Variants in ITGA9 observed in about 807,000 individuals in gnomAD.
ITGA9 encodes the protein integrin subunit alpha 9, also known as integrin alpha-9.
Under a neutral mutation model 127.8 loss-of-function variants are expected in ITGA9, and 56 were observed. That is an observed-to-expected ratio of 0.44 (90% confidence interval 0.35 to 0.55). The LOEUF is 0.55. ITGA9 is among the 20% of genes least tolerant of loss of function. ITGA9 has a pLI of 0.00. For synonymous variants in ITGA9, 508 were observed against 514.5 expected, an observed-to-expected ratio of 0.99 and a Z score of 0.17; for missense variants, 1,196 against 1,347.1, an observed-to-expected ratio of 0.89 and a Z score of 1.76.
At chr3:37,796,698 C>A (rs1213863855) in intron 26 of ITGA9, among the ~76,000 whole-genome samples, 1 of 152,164 alleles carries the variant, frequency 6.6e-6, no homozygotes, top group Non-Finnish European at 1.5e-5. Context: ...TCAAATCCCA[C>A]ATCTCTTTTG....
At chr3:37,628,131 C>T (rs936287674) in intron 15 of ITGA9, among the ~76,000 whole-genome samples, 8 of 152,168 alleles carry the variant, frequency 5.3e-5, no homozygotes, top group African/African-American at 1.7e-4. Context: ...TCAGCCTGCC[C>T]GCCCAGCTTC....
At position 37,597,491 on chromosome 3, in the gene ITGA9, C is replaced by T. The variant is rs1256353705; in HGVS notation, c.1690-31696C>T. On this transcript the variant is annotated intron_variant, in intron 15 of 27. Transcript: ENST00000264741. The surrounding 1 kb of genome is among the most constrained non-coding windows in gnomAD (Gnocchi z 4.6). The stretch of plus-strand genomic sequence containing the variant: ...GGCAGGCTGCAGAAAAGGCAGGATA[C>T]GAGGTAGAACTCCCACAGTTTCCTC... Among the ~76,000 whole-genome samples, 1 of 152,024 alleles carries T rather than the reference C, an allele frequency of 6.6e-6. No homozygotes were observed. Among genetic ancestry groups the T allele is most frequent in the African/African-American group, 2.4e-5 (1 of 41,412 alleles).
intron 17 of ITGA9, among the ~76,000 whole-genome samples, chr3:37,656,292 CA>C (rs770218963): frequency 2.6e-5 from 4 of 152,146 alleles, no homozygotes; most frequent in Admixed American, 6.5e-5. Flanking sequence ...GCAGTATGGC[CA>C]TTTTCACGAT....
chr3:37,551,171 T>A (rs866455628), intron 15 of ITGA9, among the ~76,000 whole-genome samples: 1 of 152,200 alleles, frequency 6.6e-6, no homozygotes, highest in African/African-American at 2.4e-5. Context: ...ACTGGATTTA[T>A]TGGATAGTGT....
At chr3:37,493,675 ATTCAC>A (rs1306464998) in intron 4 of ITGA9, among the ~76,000 whole-genome samples, 3 of 152,210 alleles carry the variant, frequency 2.0e-5, no homozygotes, top group Non-Finnish European at 4.4e-5. Context: ...ACCTTAGACA[ATTCAC>A]TTAACCTCTC....
At chr3:37,553,887 C>A (rs967528322) in intron 15 of ITGA9, among the ~76,000 whole-genome samples, 81 of 152,170 alleles carry the variant, frequency 5.3e-4, no homozygotes, top group African/African-American at 1.9e-3. Flanking sequence ...GGAATTGAGA[C>A]CCCAGGACAG....
chr3:37,474,380 A>C (rs988672188), intron 3 of ITGA9, among the ~76,000 whole-genome samples: 1 of 152,248 alleles, frequency 6.6e-6, no homozygotes, highest in African/African-American at 2.4e-5. Flanking sequence ...AAGCAGAGAG[A>C]GAGAATATTT....
At chr3:37,690,236 A>C (rs962303415) in intron 18 of ITGA9, among the ~76,000 whole-genome samples, 5 of 152,180 alleles carry the variant, frequency 3.3e-5, no homozygotes, top group Non-Finnish European at 5.9e-5. Context: ...GAGAGGGTAG[A>C]AGAGAGCAAA....
At chr3:37,744,749 T>C (rs1340938871) in intron 22 of ITGA9, among the ~76,000 whole-genome samples, 1 of 152,262 alleles carries the variant, frequency 6.6e-6, no homozygotes, top group Non-Finnish European at 1.5e-5. Context: ...CATACTTCTG[T>C]AGTTCAAAGG....
chr3:37,763,465 T>C (rs990783259), intron 23 of ITGA9, among the ~76,000 whole-genome samples: 1 of 152,244 alleles, frequency 6.6e-6, no homozygotes, highest in African/African-American at 2.4e-5. Flanking sequence ...GCTGCCGTTG[T>C]GTGGGGTTCC....
At chr3:37,498,701 A>T (rs267516) in intron 5 of ITGA9, among the ~76,000 whole-genome samples, 77,451 of 152,032 alleles carry the variant, frequency 0.51, 20,947 homozygotes, top group East Asian at 0.79. Flanking sequence ...GTGAGTGGGA[A>T]GGCAGCCCCT....
intron 23 of ITGA9, among the ~76,000 whole-genome samples, chr3:37,771,718 T>C (rs1696846031): frequency 6.6e-6 from 1 of 152,152 alleles, no homozygotes; most frequent in Non-Finnish European, 1.5e-5. Context: ...GAATGCTCTG[T>C]TCCCCCCTTC....
At position 37,821,248 on chromosome 3, in the gene ITGA9, C is replaced by T. The variant is rs1697511446; in HGVS notation, c.*2259C>T. 6.6e-6 allele frequency: 1 copy of T among 152,222 alleles called. No homozygotes were observed. The highest frequency in any genetic ancestry group is 6.5e-5 in the Admixed American group (1 of 15,280). The allele number at this position is 152,222 out of a possible 1,614,324, so 9.4% of individuals were successfully genotyped here. On this transcript the variant is annotated 3_prime_UTR_variant, in exon 28 of 28. Transcript: ENST00000264741. The stretch of plus-strand genomic sequence containing the variant: ...AGGACGAGGCAAAGAAAGCAGCTGT[C>T]ACTCAGAGTTCGCTTATGAGTTTTA...
rs759758706 is a variant in ITGA9, at chr3:37,780,033, T to C, written c.2787+12T>C. 5.6e-6 allele frequency: 9 copies of C among 1,613,604 alleles called. No individual in the cohort carries two copies. Among genetic ancestry groups the C allele is most frequent in the Non-Finnish European group, 7.6e-6 (9 of 1,179,844 alleles). On this transcript the variant is annotated intron_variant, in intron 25 of 27. Transcript: ENST00000264741. ...AAATACTGAAAAAGGTAAGCCCTAA[T>C]GAACCGCACTTGTGGATGCATTTAG...
intron 15 of ITGA9, among the ~76,000 whole-genome samples, chr3:37,548,079 G>A (rs906229515): frequency 4.7e-4 from 72 of 151,940 alleles, no homozygotes; most frequent in Middle Eastern, 3.2e-3. Flanking sequence ...TTGGCAAATC[G>A]CACAAAATCT....
intron 3 of ITGA9, 39 bp downstream of exon 3, chr3:37,473,499 A>G: frequency 6.9e-7 from 1 of 1,459,176 alleles, no homozygotes; most frequent in East Asian, 2.3e-5. Flanking sequence ...AGGGGGTGGC[A>G]CTCTGAGAAT....
chr3:37,643,098 C>T (rs893724757), intron 16 of ITGA9, among the ~76,000 whole-genome samples: 3 of 152,148 alleles, frequency 2.0e-5, no homozygotes, highest in East Asian at 1.9e-4. Context: ...CTCCTGAGAC[C>T]GTGCAAACTG....
In ITGA9 at chr3:37,452,623, C is replaced by A; in HGVS notation, c.185+64C>A. The stretch of plus-strand genomic sequence containing the variant: ...GCCACCGCCCCGGCCCCCAGGCCAG[C>A]GCCGCCGCCGCCTTTCCGGTCTCTT... On this transcript the variant is annotated intron_variant, in intron 1 of 27. Coordinates refer to ENST00000264741, the MANE Select transcript of ITGA9 (RefSeq NM_002207.3). This position sits in a 1 kb window ranked among gnomAD's most constrained non-coding sequence, Gnocchi z 7.3. The A allele has an allele frequency of 7.6e-7, 1 of 1,312,970 alleles. No individual in the cohort carries two copies. Among genetic ancestry groups the A allele is most frequent in the Non-Finnish European group, 1.0e-6 (1 of 998,282 alleles). 81.3% of individuals were successfully genotyped at this position (1,312,970 alleles called of 1,614,324 possible). A position where few individuals can be genotyped will look rare whatever the true frequency, so the allele number is the denominator to read the frequency against.
intron 26 of ITGA9, among the ~76,000 whole-genome samples, chr3:37,787,635 A>G (rs1697057491): frequency 6.6e-6 from 1 of 152,126 alleles, no homozygotes; most frequent in Admixed American, 6.5e-5. Context: ...GGCAGGAAAA[A>G]AAAAATCTTT....
Sources: allele counts gnomAD v4.1 joint callset (sites outside exome capture counted in the v4.1 genomes callset), GRCh38; gene constraint gnomAD v4.1.1; non-coding constraint Gnocchi (gnomAD v3.1); transcripts MANE v1.5; gene names NCBI Gene and HGNC (gene_info 2026-07-23, HGNC 2026-07-21).